Variants in CDH13 observed in about 807,000 individuals in gnomAD.
CDH13 encodes cadherin-13.
In CDH13, 24 loss-of-function variants were observed where a neutral mutation model predicts 63.8. That is an observed-to-expected ratio of 0.38 (90% CI 0.27 to 0.53). The LOEUF (loss-of-function observed/expected upper bound fraction) is 0.53, where lower values mean the gene tolerates loss of function less well. CDH13 is among the 20% of genes least tolerant of loss of function. The pLI is 0.85. For synonymous variants in CDH13, 503 were observed against 355.3 expected (o/e 1.42, Z -4.67); for missense variants, 1,049 against 903.1 (o/e 1.16, Z -2.07).
At chr16:82,791,280 A>G (rs1326671588) in intron 1 of CDH13, among the ~76,000 whole-genome samples, 3 of 151,332 alleles carry the variant, frequency 2.0e-5, no homozygotes, top group African/African-American at 7.3e-5. Context: ...TAGCTGGGGA[A>G]GGTGACCACA....
chr16:83,305,755 C>T (rs910444773), intron 5 of CDH13, among the ~76,000 whole-genome samples: 2 of 152,134 alleles, frequency 1.3e-5, no homozygotes, highest in Non-Finnish European at 2.9e-5. Flanking sequence ...GGGATTAATA[C>T]TACTTACCTT....
intron 7 of CDH13, among the ~76,000 whole-genome samples, chr16:83,585,777 C>A (rs1906097965): frequency 6.6e-6 from 1 of 151,824 alleles, no homozygotes. Flanking sequence ...CCATACAGGG[C>A]TCGTGGAAAG....
rs1056754068 is a variant in CDH13 at position 83,295,752 on chromosome 16, T to C, written c.637-49110T>C. Among the ~76,000 whole-genome samples, 11 of 151,994 alleles carry C rather than the reference T, an allele frequency of 7.2e-5. No homozygotes were observed. The South Asian group carries it at 1.0e-3, about 14-fold the overall frequency. On this transcript the variant is annotated intron_variant, in intron 5 of 13. Transcript: ENST00000567109. ...ATGTAAGTACAGCTATAATGGAAAA[T>C]AGTATAGAGATTCCTCAAAAATTTA...
intron 6 of CDH13, among the ~76,000 whole-genome samples, chr16:83,399,812 C>CA (rs1240144543): frequency 2.0e-5 from 3 of 152,132 alleles, no homozygotes; most frequent in Non-Finnish European, 2.9e-5. Flanking sequence ...CCCCCCGCCG[C>CA]ATTTAGCACA....
intron 6 of CDH13, among the ~76,000 whole-genome samples, chr16:83,361,699 C>T (rs1317423213): frequency 6.6e-6 from 1 of 152,062 alleles, no homozygotes; most frequent in Non-Finnish European, 1.5e-5. Flanking sequence ...TTTCCCATTG[C>T]TTATTTGTAT....
At chr16:83,473,709 T>C (rs965182833) in intron 6 of CDH13, among the ~76,000 whole-genome samples, 2 of 152,058 alleles carry the variant, frequency 1.3e-5, no homozygotes, top group Non-Finnish European at 2.9e-5. Context: ...ACCTGCAAAA[T>C]GTAATGTGAA....
intron 6 of CDH13, among the ~76,000 whole-genome samples, chr16:83,454,934 T>C (rs1402293158): frequency 1.3e-5 from 2 of 152,140 alleles, no homozygotes; most frequent in Non-Finnish European, 2.9e-5. Flanking sequence ...GGTCTCGAAC[T>C]CCTGACCTCA....
At chr16:83,324,557 C>T (rs2090317017) in intron 5 of CDH13, among the ~76,000 whole-genome samples, 1 of 152,192 alleles carries the variant, frequency 6.6e-6, no homozygotes, top group Non-Finnish European at 1.5e-5. Context: ...CCAGGTTCCC[C>T]CATGTTGTAG....
Position 83,662,414 on chromosome 16 carries a change from A to G in CDH13, c.1102-8376A>G, listed in dbSNP as rs1913520252. Among the ~76,000 whole-genome samples the G allele has an allele frequency of 2.0e-5, 3 of 152,218 alleles. No homozygotes were observed. In the South Asian group the frequency reaches 6.2e-4, roughly 32 times the overall value. ...ACAAAATTGTCCGTAGAAGAAATTA[A>G]TGTTAGTTGGACCAAGAAAGGACTT... On this transcript the variant is annotated intron_variant, in intron 8 of 13. Transcript: ENST00000567109.
intron 1 of CDH13, among the ~76,000 whole-genome samples, chr16:82,704,827 G>T (rs148059365): frequency 6.6e-6 from 1 of 152,158 alleles, no homozygotes; most frequent in African/African-American, 2.4e-5. Context: ...TTACATCGTG[G>T]ATTTGTATGA....
intron 10 of CDH13, among the ~76,000 whole-genome samples, chr16:83,744,704 G>A (rs1289235803): frequency 1.3e-5 from 2 of 152,166 alleles, no homozygotes; most frequent in Admixed American, 1.3e-4. Flanking sequence ...TCCCCCGAGG[G>A]CGCCCCGCAC....
In CDH13 at chr16:83,218,661, G is replaced by T. The variant is rs184125458; in HGVS notation, c.636+1164G>T. 4.4e-4 allele frequency among the ~76,000 whole-genome samples: 67 copies of T among 152,170 alleles called. 1 individual carries two copies. The highest frequency in any genetic ancestry group is 4.1e-3 in the Admixed American group (62 of 15,270). On this transcript the variant is annotated intron_variant, in intron 5 of 13. Coordinates refer to ENST00000567109, the MANE Select transcript of CDH13 (RefSeq NM_001257.5). ...CATGGGAGTCTCCAAGAAAGTTCTGGCACAAAAAACTAAGGAAAGATACAA... is the reference window on the plus strand; with the variant it reads ...CATGGGAGTCTCCAAGAAAGTTCTGTCACAAAAAACTAAGGAAAGATACAA...
intron 10 of CDH13, chr16:83,710,618 C>A (rs1244094726): frequency 6.6e-6 from 1 of 152,034 alleles, no homozygotes; most frequent in East Asian, 1.9e-4. Context: ...AACCCAGATT[C>A]CTCCAGCCCT....
chr16:83,388,348 G>A (rs2091719206), intron 6 of CDH13, among the ~76,000 whole-genome samples: 1 of 151,980 alleles, frequency 6.6e-6, no homozygotes, highest in Non-Finnish European at 1.5e-5. Context: ...AACTACTTGG[G>A]AGGCTGAGGT....
At chr16:83,323,520 A>G (rs2090287684) in intron 5 of CDH13, among the ~76,000 whole-genome samples, 1 of 151,898 alleles carries the variant, frequency 6.6e-6, no homozygotes, top group Non-Finnish European at 1.5e-5. Flanking sequence ...ACTTCAGGCG[A>G]TCCACCTGCC....
At chr16:83,336,156 C>T (rs1178170116) in intron 5 of CDH13, among the ~76,000 whole-genome samples, 4 of 151,830 alleles carry the variant, frequency 2.6e-5, no homozygotes, top group Non-Finnish European at 2.9e-5. Flanking sequence ...CAAAAATTTG[C>T]CAGGGGTAGT....
chr16:82,653,491 C>G (rs769019776), intron 1 of CDH13, among the ~76,000 whole-genome samples: 4 of 152,120 alleles, frequency 2.6e-5, no homozygotes, highest in Non-Finnish European at 4.4e-5. Context: ...AAATTAGGCA[C>G]TGAGTAAAAT....
At chr16:83,509,821 C>G (rs1026528570) in intron 7 of CDH13, among the ~76,000 whole-genome samples, 3 of 152,196 alleles carry the variant, frequency 2.0e-5, no homozygotes, top group African/African-American at 4.8e-5. Flanking sequence ...AATTATTACT[C>G]TCTCTGAGTT....
intron 6 of CDH13, among the ~76,000 whole-genome samples, chr16:83,383,489 A>G (rs890803796): frequency 9.2e-5 from 14 of 152,084 alleles, no homozygotes; most frequent in African/African-American, 2.9e-4. Context: ...GATGGTGTGG[A>G]GTGATTTCCT....
Sources: allele counts gnomAD v4.1 joint callset (sites outside exome capture counted in the v4.1 genomes callset), GRCh38; gene constraint gnomAD v4.1.1; transcripts MANE v1.5; gene names NCBI Gene and HGNC (gene_info 2026-07-23, HGNC 2026-07-21).